The following SYNPO2 variants were observed in gnomAD, a reference collection of about 807,000 sequenced individuals.
The protein encoded by SYNPO2 is synaptopodin 2.
A neutral mutation model predicts 85.0 loss-of-function variants in SYNPO2; 56 were observed. The ratio of observed to expected loss-of-function variants is 0.66; its 90% CI spans 0.53 to 0.82. SYNPO2 has a LOEUF of 0.82. SYNPO2 is among the 40% of genes least tolerant of loss of function. The pLI is 0.00. For synonymous variants in SYNPO2, 602 were observed against 591.1 expected (o/e 1.02, Z -0.27); for missense variants, 1,575 against 1,534.2 (o/e 1.03, Z -0.44).
At position 119,031,683 on chromosome 4, in the gene SYNPO2, T is replaced by C. The variant is rs773150399; in HGVS notation, c.2908T>C (p.Tyr970His). ...NALDVMKHQP[Y>H]QLNASLFTFQ... ...ATTAGATGTCATGAAGCACCAACCG[T>C]ATCAGCTCAATGCATCCTTGTTTAC... Residue 970 changes from tyrosine (Y) to histidine (H), a missense_variant, in exon 4 of 5, where the codon TAT becomes CAT. Physicochemically the swap from Tyr to His is moderately conservative, Grantham distance 83. Coordinates refer to ENST00000307142, the MANE Select transcript of SYNPO2 (RefSeq NM_133477.3). 15 of 1,614,040 alleles carry C rather than the reference T, an allele frequency of 9.3e-6. No individual in the cohort carries two copies. Among genetic ancestry groups the C allele is most frequent in the Non-Finnish European group, 1.2e-5 (14 of 1,180,032 alleles).
At position 118,852,493 on chromosome 4, in the gene SYNPO2, G is replaced by A. The variant is rs191956909; in HGVS notation, c.12+1553G>A. 1.5e-3 allele frequency among the ~76,000 whole-genome samples: 232 copies of A among 152,278 alleles called. 1 individual carries two copies. The highest frequency in any genetic ancestry group is 5.2e-3 in the African/African-American group (218 of 41,546). ...CTAAATGCCCATCAGTGACAGATTG[G>A]ATAAAGAAAATGTGGTACATATACA... On this transcript the variant is annotated intron_variant, in intron 1 of 4. Transcript: ENST00000610556.
chr4:118,875,544 C>T (rs1404211041), intron 1 of SYNPO2, among the ~76,000 whole-genome samples: 2 of 152,112 alleles, frequency 1.3e-5, no homozygotes, highest in African/African-American at 4.8e-5. Context: ...CTCCTAATAG[C>T]CATAAAAATG....
chr4:118,959,280 C>T (rs34114839), intron 1 of SYNPO2, among the ~76,000 whole-genome samples: 43,395 of 152,140 alleles, frequency 0.29, 6,907 homozygotes, highest in East Asian at 0.42. Flanking sequence ...GGATCCTAAA[C>T]TTAACTTTGA....
At position 119,030,991 on chromosome 4, in the gene SYNPO2, G is replaced by C. The variant is rs753596181; in HGVS notation, c.2216G>C (p.Gly739Ala). 1.2e-6 allele frequency: 2 copies of C among 1,614,070 alleles called. No individual in the cohort carries two copies. Among genetic ancestry groups the C allele is most frequent in the Admixed American group, 3.3e-5 (2 of 60,000 alleles). Residue 739 changes from glycine to alanine, a missense_variant, in exon 4 of 5, where the codon GGG becomes GCG. This residue lies in a region of SYNPO2 where 1,508 missense variants were observed against 1,446.8 expected (regional missense o/e 1.04). Coordinates refer to ENST00000307142, the MANE Select transcript of SYNPO2 (RefSeq NM_133477.3). ...CCGGAAGAAGACTACCTCAGCTTGG[G>C]GGCAGAGGCTTGTAATTTCATGCAA... Reference protein sequence around the residue: ...SGPEEDYLSLGAEACNFMQSS... With the variant: ...SGPEEDYLSLAAEACNFMQSS...
chr4:118,930,917 CAA>C lies in SYNPO2; in HGVS notation c.105+41795_105+41796del, dbSNP rs55944813. On this transcript the variant is annotated intron_variant, in intron 1 of 4. Coordinates refer to ENST00000307142, the MANE Select transcript of SYNPO2 (RefSeq NM_133477.3). Reference sequence around the variant, plus strand: ...TGGGCATCACAACACTACCTTGCCTCAAAAAAAAAAAAAAAAAAAATGGTAAG... The same window carrying C: ...TGGGCATCACAACACTACCTTGCCTCAAAAAAAAAAAAAAAAAATGGTAAG... 4.9e-3 allele frequency among the ~76,000 whole-genome samples: 615 copies of C among 124,766 alleles called. 5 individuals carry two copies. The highest frequency in any genetic ancestry group is 0.02 in the Middle Eastern group (5 of 250). The allele number at this position is 124,766 out of a possible 152,430, so 81.9% of individuals were successfully genotyped here.
intron 4 of SYNPO2, chr4:119,032,777 T>C (rs1429715316): frequency 2.3e-6 from 2 of 872,956 alleles, no homozygotes; most frequent in African/African-American, 1.8e-5. Flanking sequence ...CCTAGCACTT[T>C]GGGAGGCTGA....
At chr4:118,993,669 C>T (rs1392997488) in intron 1 of SYNPO2, among the ~76,000 whole-genome samples, 3 of 152,216 alleles carry the variant, frequency 2.0e-5, no homozygotes, top group Non-Finnish European at 4.4e-5. Flanking sequence ...ATATGACCTA[C>T]AGCTTAGTAT....
intron 1 of SYNPO2, among the ~76,000 whole-genome samples, chr4:119,011,094 C>T (rs1198956127): frequency 6.6e-6 from 1 of 152,206 alleles, no homozygotes; most frequent in Non-Finnish European, 1.5e-5. Flanking sequence ...TAACAGAACA[C>T]TTACATGGAC....
intron 1 of SYNPO2, among the ~76,000 whole-genome samples, chr4:118,858,962 G>A (rs1415604605): frequency 6.6e-6 from 1 of 152,166 alleles, no homozygotes; most frequent in Non-Finnish European, 1.5e-5. Flanking sequence ...ATGATAAGTA[G>A]TGGAGGCGTT....
intron 1 of SYNPO2, among the ~76,000 whole-genome samples, chr4:118,982,178 A>G (rs901585138): frequency 5.3e-5 from 8 of 152,152 alleles, no homozygotes; most frequent in Admixed American, 2.6e-4. Flanking sequence ...TTTTTTTTAC[A>G]TAACAGAATT....
At chr4:119,034,619 C>T (rs1334760481) in intron 4 of SYNPO2, 1 of 985,356 alleles carries the variant, frequency 1.0e-6, no homozygotes, top group Non-Finnish European at 1.2e-6. Context: ...TACAGTCCCA[C>T]TTTATAGAAG....
intron 4 of SYNPO2, among the ~76,000 whole-genome samples, chr4:119,052,652 G>C (rs1739090650): frequency 6.6e-6 from 1 of 152,200 alleles, no homozygotes. Flanking sequence ...CTTCCCTGAA[G>C]GAAGGCAGCC....
intron 4 of SYNPO2, chr4:119,036,141 A>G (rs1004752078): frequency 1.0e-5 from 10 of 985,324 alleles, no homozygotes; most frequent in African/African-American, 1.7e-5. Flanking sequence ...CTATTTGATG[A>G]GTCACAACTG....
At chr4:118,976,988 C>T (rs1015855664) in intron 1 of SYNPO2, among the ~76,000 whole-genome samples, 6 of 152,250 alleles carry the variant, frequency 3.9e-5, no homozygotes, top group African/African-American at 1.4e-4. Flanking sequence ...CTGGCTTCAC[C>T]TAGAGGATCC....
chr4:118,914,478 G>C (rs759102753), intron 1 of SYNPO2, among the ~76,000 whole-genome samples: 1 of 152,074 alleles, frequency 6.6e-6, no homozygotes, highest in African/African-American at 2.4e-5. Context: ...AAGAGGATAA[G>C]TATTTCTGGT....
At chr4:118,965,569 G>C (rs1250760829) in intron 1 of SYNPO2, among the ~76,000 whole-genome samples, 2 of 152,072 alleles carry the variant, frequency 1.3e-5, no homozygotes, top group Non-Finnish European at 2.9e-5. Context: ...AGGATCTACT[G>C]TCTAGCCTCC....
At chr4:118,916,540 A>T (rs1330156250) in intron 1 of SYNPO2, among the ~76,000 whole-genome samples, 1 of 142,680 alleles carries the variant, frequency 7.0e-6, no homozygotes, top group Non-Finnish European at 1.6e-5. Context: ...TCCAAGTCTA[A>T]GAAATATAAA....
intron 1 of SYNPO2, among the ~76,000 whole-genome samples, chr4:118,990,475 GGATAAGATGGTGAACAA>G (rs1391398213): frequency 1.3e-5 from 2 of 152,108 alleles, no homozygotes; most frequent in Non-Finnish European, 2.9e-5. Context: ...CAGATGCTGG[GGATAAGATGGTGAACAA>G]AACAGACATG....
At chr4:119,051,186 A>ATGTTTTT (rs376359189) in intron 4 of SYNPO2, among the ~76,000 whole-genome samples, 15,829 of 100,362 alleles carry the variant, frequency 0.16, 3,203 homozygotes, top group Non-Finnish European at 0.18. Context: ...ATGGGAAGCA[A>ATGTTTTT]TTTTTTTTTT....
Sources: allele counts gnomAD v4.1 joint callset (sites outside exome capture counted in the v4.1 genomes callset), GRCh38; gene constraint gnomAD v4.1.1; regional missense constraint gnomAD v4.1.1; transcripts MANE v1.5; gene names NCBI Gene and HGNC (gene_info 2026-07-23, HGNC 2026-07-21).